The following CEP43 variants were observed in gnomAD, a reference collection of about 807,000 sequenced individuals.
CEP43 encodes the protein FGFR1 oncogene partner.
CEP43 carries 36 observed loss-of-function variants against 52.6 expected under a neutral mutation model. The ratio of observed to expected loss-of-function variants is 0.68; its 90% CI spans 0.52 to 0.90. The LOEUF (loss-of-function observed/expected upper bound fraction) is 0.90. Ranked by LOEUF, CEP43 falls within the 40% of genes least tolerant of loss-of-function variation. The probability of loss-of-function intolerance (pLI) is 0.00; values close to 1 mark genes in which losing one functional copy is unlikely to be tolerated. For synonymous variants in CEP43, 192 were observed against 172.4 expected, an observed-to-expected ratio of 1.11 and a Z score of -0.89; for missense variants, 506 against 472.8, an observed-to-expected ratio of 1.07 and a Z score of -0.65.
At chr6:167,028,289 C>T in intron 10 of CEP43, 5 of 985,372 alleles carry the variant, frequency 5.1e-6, no homozygotes, top group Non-Finnish European at 6.0e-6. Flanking sequence ...TTGTCATCCT[C>T]AGGAGGGAAT....
chr6:167,038,128 C>T (rs888924293), intron 12 of CEP43, among the ~76,000 whole-genome samples: 1 of 152,310 alleles, frequency 6.6e-6, no homozygotes, highest in East Asian at 1.9e-4. Flanking sequence ...ATTAATATTT[C>T]CTTTCTCCAT....
chr6:167,002,754 G>A (rs1381563617), intron 2 of CEP43, among the ~76,000 whole-genome samples: 2 of 152,164 alleles, frequency 1.3e-5, no homozygotes, highest in Non-Finnish European at 2.9e-5. Flanking sequence ...AAATAAGTTG[G>A]CCTATGGGCC....
At chr6:167,018,603 A>T (rs1380044678) in intron 7 of CEP43, among the ~76,000 whole-genome samples, 3 of 152,078 alleles carry the variant, frequency 2.0e-5, no homozygotes, top group Non-Finnish European at 2.9e-5. Flanking sequence ...GTTGGCCAGG[A>T]TGGTTTCGGA....
At chr6:167,026,767 T>G in intron 10 of CEP43, 152 bp downstream of exon 10, 1 of 619,178 alleles carries the variant, frequency 1.6e-6, no homozygotes, top group Non-Finnish European at 2.9e-6. Flanking sequence ...GTGTTCAGGA[T>G]TACACGCTAT....
At chr6:167,009,580 G>T (rs140745011) in intron 5 of CEP43, among the ~76,000 whole-genome samples, 1 of 145,964 alleles carries the variant, frequency 6.9e-6, no homozygotes, top group African/African-American at 2.6e-5. Flanking sequence ...CAAGAGAATC[G>T]CTTGAACCCG....
rs1780709836 is a variant in CEP43, at chr6:167,041,991, T to C, written c.*2013T>C. The C allele has an allele frequency of 2.4e-6, 1 of 423,228 alleles. No individual in the cohort carries two copies. The highest frequency in any genetic ancestry group is 2.2e-5 in the African/African-American group (1 of 46,040). 26.2% of individuals were successfully genotyped at this position (423,228 alleles called of 1,614,324 possible). A position where few individuals can be genotyped will look rare whatever the true frequency, so the allele number is the denominator to read the frequency against. Reference sequence around the variant, plus strand: ...GGTGCACACCACCACGCCCGGCTAATTTTTGTATTTTTAGTAGAGATGGGG... The same window carrying C: ...GGTGCACACCACCACGCCCGGCTAACTTTTGTATTTTTAGTAGAGATGGGG... On this transcript the variant is annotated 3_prime_UTR_variant, in exon 13 of 13. Transcript: ENST00000366847.
intron 5 of CEP43, among the ~76,000 whole-genome samples, chr6:167,005,347 A>T (rs1239044936): frequency 6.6e-6 from 1 of 152,254 alleles, no homozygotes; most frequent in Non-Finnish European, 1.5e-5. Flanking sequence ...TCAAATAAGG[A>T]AATTAACATT....
intron 7 of CEP43, among the ~76,000 whole-genome samples, chr6:167,020,020 GTATT>G (rs1780189887): frequency 6.6e-6 from 1 of 152,110 alleles, no homozygotes; most frequent in Non-Finnish European, 1.5e-5. Flanking sequence ...TCACATCAGG[GTATT>G]TATTTCCAAA....
chr6:167,020,773 G>A lies in CEP43; in HGVS notation c.580-1636G>A, dbSNP rs962284135. Among the ~76,000 whole-genome samples, 4 of 152,040 alleles carry A rather than the reference G, an allele frequency of 2.6e-5. No individual in the cohort carries two copies. In the East Asian group the frequency reaches 7.7e-4, roughly 29 times the overall value. On this transcript the variant is annotated intron_variant, in intron 7 of 12. Transcript: ENST00000366847. ...AAAATACAAAAATTAGCCAAGCGTG[G>A]TGGCACGCGCCTGAAATCCCAGCTA...
At chr6:167,021,072 G>A (rs201547064) in intron 7 of CEP43, among the ~76,000 whole-genome samples, 231 of 143,580 alleles carry the variant, frequency 1.6e-3, no homozygotes, top group African/African-American at 2.0e-3. Context: ...TCTTAAAAAA[G>A]AAAAAAAAAA....
chr6:167,013,336 A>G (rs1780024969), intron 6 of CEP43, among the ~76,000 whole-genome samples, 172 bp from the exon 7 acceptor site: 1 of 152,142 alleles, frequency 6.6e-6, no homozygotes, highest in African/African-American at 2.4e-5. Flanking sequence ...GAGGTAGATC[A>G]CTCTAGGAAT....
At chr6:167,014,882 ACTT>A (rs1435706280) in intron 7 of CEP43, among the ~76,000 whole-genome samples, 2 of 152,228 alleles carry the variant, frequency 1.3e-5, no homozygotes, top group Non-Finnish European at 2.9e-5. Context: ...AAGATATAAA[ACTT>A]CTTAATAGAT....
Position 167,041,133 on chromosome 6 carries a change from A to G in CEP43, c.*1155A>G, listed in dbSNP as rs1780686505. ...CGGCTTTTTACTACAAGTTAACTTTATTAGTAAAAGGAGCAAATTAGACCT... is the reference window on the plus strand; with the variant it reads ...CGGCTTTTTACTACAAGTTAACTTTGTTAGTAAAAGGAGCAAATTAGACCT... On this transcript the variant is annotated 3_prime_UTR_variant, in exon 13 of 13. Coordinates refer to ENST00000366847, the MANE Select transcript of CEP43 (RefSeq NM_007045.4). 1 of 1,042,850 alleles carries G rather than the reference A, an allele frequency of 9.6e-7. No homozygotes were observed. The highest frequency in any genetic ancestry group is 1.2e-6 in the Non-Finnish European group (1 of 865,266). The allele number at this position is 1,042,850 out of a possible 1,614,324, so 64.6% of individuals were successfully genotyped here. A position where few individuals can be genotyped will look rare whatever the true frequency, so the allele number is the denominator to read the frequency against.
rs1010244404 is a variant in CEP43, at chr6:167,041,730, G to C, written c.*1752G>C. The C allele has an allele frequency of 2.9e-6, 3 of 1,021,690 alleles. No homozygotes were observed. The highest frequency in any genetic ancestry group is 2.3e-6 in the Non-Finnish European group (2 of 852,626). 63.3% of individuals were successfully genotyped at this position (1,021,690 alleles called of 1,614,324 possible). ...AGCAACTGAAATTTGTCACTTTTCT[G>C]TTACGCAGAGAATCAGACCTTTTGA... On this transcript the variant is annotated 3_prime_UTR_variant, in exon 13 of 13. Transcript: ENST00000366847.
intron 12 of CEP43, chr6:167,036,494 G>C (rs1381629669): frequency 9.1e-6 from 9 of 985,284 alleles, no homozygotes; most frequent in Non-Finnish European, 1.1e-5. Context: ...GAGGAAGAGG[G>C]CCACACGTTC....
intron 7 of CEP43, among the ~76,000 whole-genome samples, chr6:167,019,833 T>C (rs1355436466): frequency 1.3e-5 from 2 of 152,208 alleles, no homozygotes; most frequent in South Asian, 2.1e-4. Context: ...TTAAGTTACA[T>C]TGGCAGTGTG....
In CEP43 at chr6:167,040,967, A is replaced by G. The variant is rs1346881266; in HGVS notation, c.*989A>G. On this transcript the variant is annotated 3_prime_UTR_variant, in exon 13 of 13. Coordinates refer to ENST00000366847, the MANE Select transcript of CEP43 (RefSeq NM_007045.4). ...ATACGGTTAAAGCATTATTGCTATT[A>G]TGTAGGTCACGGATGTTTATAATAC... 9.8e-7 allele frequency: 1 copy of G among 1,025,616 alleles called. No homozygotes were observed. Among genetic ancestry groups the G allele is most frequent in the African/African-American group, 1.7e-5 (1 of 59,094 alleles). 63.5% of individuals were successfully genotyped at this position (1,025,616 alleles called of 1,614,324 possible).
At chr6:167,024,657 T>TATAC (rs1780314148) in intron 8 of CEP43, 125 bp from the exon 9 acceptor site, 2 of 717,870 alleles carry the variant, frequency 2.8e-6, no homozygotes, top group African/African-American at 3.5e-5. Context: ...TTAAAGTGTA[T>TATAC]ATTCTTGATT....
rs899802533 is a variant in CEP43 at position 167,040,874 on chromosome 6, A to G, written c.*896A>G. The G allele has an allele frequency of 2.0e-6, 2 of 1,024,022 alleles. No homozygotes were observed. The highest frequency in any genetic ancestry group is 3.4e-5 in the African/African-American group (2 of 58,898). 63.4% of individuals were successfully genotyped at this position (1,024,022 alleles called of 1,614,324 possible). ...CCATGTTCAGTTTGACAAGCTTTAT[A>G]TACTGTACATAATTTCATTGTAACC... is the stretch of plus-strand genomic sequence containing the variant. On this transcript the variant is annotated 3_prime_UTR_variant, in exon 13 of 13. Transcript: ENST00000366847.
Sources: gnomAD v4.1 joint callset for allele counts (sites outside exome capture counted in the v4.1 genomes callset) on GRCh38, gnomAD v4.1.1 for gene constraint, MANE v1.5 for transcripts, NCBI Gene and HGNC (gene_info 2026-07-23, HGNC 2026-07-21) for gene names.